HECTD4: variants seen among roughly 807,000 people sequenced by gnomAD.
The protein encoded by HECTD4 is probable E3 ubiquitin-protein ligase HECTD4.
A neutral mutation model predicts 471.5 loss-of-function variants in HECTD4; 114 were observed. The observed-to-expected ratio is 0.24, with a 90% CI of 0.21 to 0.28. The LOEUF (loss-of-function observed/expected upper bound fraction) is 0.28. Ranked by LOEUF, HECTD4 falls within the 10% of genes least tolerant of loss-of-function variation. The pLI is 1.00. For synonymous variants in HECTD4, 2,012 were observed against 2,256.0 expected, an observed-to-expected ratio of 0.89 and a Z score of 3.07; for missense variants, 3,866 against 5,651.5, an observed-to-expected ratio of 0.68 and a Z score of 10.13.
intron 21 of HECTD4, among the ~76,000 whole-genome samples, chr12:112,256,098 A>G (rs937857820): frequency 6.6e-6 from 1 of 152,198 alleles, no homozygotes; most frequent in African/African-American, 2.4e-5. Context: ...CACTTTCAAC[A>G]TATCATTAAA....
rs891102138 is a variant in HECTD4, at chr12:112,196,881, C to A, written c.8568-1815G>T. Among the ~76,000 whole-genome samples, 3 of 151,158 alleles carry A rather than the reference C, an allele frequency of 2.0e-5. No homozygotes were observed. In the East Asian group the frequency reaches 5.9e-4, roughly 30 times the overall value. On this transcript the variant is annotated intron_variant, in intron 55 of 75. Transcript: ENST00000682272. Reference sequence around the variant, plus strand: ...TGTGATCTCGGCTCACTGCAAACTCCGCCTCCCAGGTTCAAGCGATTCTCC... The same window carrying A: ...TGTGATCTCGGCTCACTGCAAACTCAGCCTCCCAGGTTCAAGCGATTCTCC...
rs1374797544 is a variant in HECTD4, at chr12:112,179,841, C to T, written c.10988-444G>A. Among the ~76,000 whole-genome samples the T allele has an allele frequency of 6.6e-6, 1 of 152,180 alleles. No individual in the cohort carries two copies. ...ATAATCCCAGAGGATAGATAGCCAG[C>T]AAGTATTTTTAGTGGGAAGTACAAC... On this transcript the variant is annotated intron_variant, in intron 62 of 75. Transcript: ENST00000682272. The surrounding 1 kb of genome is among the most constrained non-coding windows in gnomAD (Gnocchi z 4.3).
chr12:112,233,790 T>G (rs2033440017), intron 37 of HECTD4, among the ~76,000 whole-genome samples: 1 of 152,066 alleles, frequency 6.6e-6, no homozygotes, highest in Admixed American at 6.5e-5. Context: ...GCGAATGACA[T>G]CTATTAGAAA....
chr12:112,287,539 T>C (rs2034778239), intron 7 of HECTD4, among the ~76,000 whole-genome samples: 1 of 152,112 alleles, frequency 6.6e-6, no homozygotes, highest in Admixed American at 6.5e-5. Context: ...ATTTTAAAAC[T>C]GCAGTTTATA....
At chr12:112,211,633 G>A (rs891403465) in intron 49 of HECTD4, among the ~76,000 whole-genome samples, 18 of 152,068 alleles carry the variant, frequency 1.2e-4, no homozygotes, top group African/African-American at 3.4e-4. Context: ...TGGCAGGGCC[G>A]GGTTGTTGAT....
intron 1 of HECTD4, among the ~76,000 whole-genome samples, chr12:112,338,048 C>G (rs921185467): frequency 6.6e-6 from 1 of 152,196 alleles, no homozygotes; most frequent in Admixed American, 6.5e-5. Context: ...GTTCTGGAGG[C>G]TAGAAGTCTG....
At chr12:112,346,415 A>AT (rs906984421) in intron 1 of HECTD4, among the ~76,000 whole-genome samples, 9 of 152,152 alleles carry the variant, frequency 5.9e-5, no homozygotes, top group African/African-American at 2.2e-4. Context: ...ACTTTGGTAC[A>AT]TACCAGCAAT....
At chr12:112,215,830 G>A (rs1482279020) in intron 48 of HECTD4, among the ~76,000 whole-genome samples, 1 of 151,992 alleles carries the variant, frequency 6.6e-6, no homozygotes, top group Non-Finnish European at 1.5e-5. Flanking sequence ...ATGGGGTTTC[G>A]CCATGTTGCC....
chr12:112,202,332 A>G (rs551686609), intron 54 of HECTD4, among the ~76,000 whole-genome samples: 1 of 152,126 alleles, frequency 6.6e-6, no homozygotes, highest in South Asian at 2.1e-4. Flanking sequence ...CGGCCTCCCA[A>G]GTAGCTAGGA....
At chr12:112,295,610 G>C (rs1488943541) in intron 7 of HECTD4, among the ~76,000 whole-genome samples, 1 of 150,760 alleles carries the variant, frequency 6.6e-6, no homozygotes, top group Non-Finnish European at 1.5e-5. Flanking sequence ...AAAGTGCTGG[G>C]ATTACAGGCA....
Position 112,213,719 on chromosome 12 carries a change from T to A in HECTD4, c.7466-1069A>T, listed in dbSNP as rs201753220. On this transcript the variant is annotated intron_variant, in intron 48 of 75. Transcript: ENST00000682272. The surrounding 1 kb of genome is among the most constrained non-coding windows in gnomAD (Gnocchi z 4.0). ...ATATACATATATATATATATATATA[T>A]AATATATATATAAAATTTAAGGCCA... 2.7e-4 allele frequency among the ~76,000 whole-genome samples: 26 copies of A among 95,334 alleles called. No homozygotes were observed. The highest frequency in any genetic ancestry group is 7.3e-4 in the African/African-American group (14 of 19,154). The allele number at this position is 95,334 out of a possible 152,430, so 62.5% of individuals were successfully genotyped here. A position where few individuals can be genotyped will look rare whatever the true frequency, so the allele number is the denominator to read the frequency against.
intron 55 of HECTD4, among the ~76,000 whole-genome samples, chr12:112,198,459 T>C (rs2032314908): frequency 6.6e-6 from 1 of 152,090 alleles, no homozygotes; most frequent in Admixed American, 6.6e-5. Flanking sequence ...AAGGTCTGCA[T>C]TAGAGGAGGG....
intron 23 of HECTD4, among the ~76,000 whole-genome samples, chr12:112,251,594 A>T (rs986220033): frequency 1.3e-5 from 2 of 152,238 alleles, no homozygotes; most frequent in African/African-American, 2.4e-5. Context: ...CCTGAGATAC[A>T]TCAGAGAATG....
chr12:112,184,890 G>T lies in HECTD4; in HGVS notation c.10076C>A (p.Thr3359Asn). 1 of 1,611,868 alleles carries T rather than the reference G, an allele frequency of 6.2e-7. No individual in the cohort carries two copies. The highest frequency in any genetic ancestry group is 1.3e-5 in the African/African-American group (1 of 75,022). ...EDMLWFHRAL[T>N]LLIILRHLTR... ...GAGGTGGCGGAGGATGATGAGCAGGGTGAGTGCGCGGTGGAACCACAGCAT... is the reference window on the plus strand; with the variant it reads ...GAGGTGGCGGAGGATGATGAGCAGGTTGAGTGCGCGGTGGAACCACAGCAT... Residue 3359 changes from threonine to asparagine, a missense_variant, in exon 61 of 76, where the codon ACC becomes AAC. Physicochemically the swap from Thr to Asn is moderately conservative, Grantham distance 65. Transcript: ENST00000682272. This position sits in a 1 kb window ranked among gnomAD's most constrained non-coding sequence, Gnocchi z 9.1.
chr12:112,252,743 T>C (rs1337708916), intron 22 of HECTD4, among the ~76,000 whole-genome samples: 1 of 152,184 alleles, frequency 6.6e-6, no homozygotes, highest in African/African-American at 2.4e-5. Flanking sequence ...GGATGAGGCA[T>C]CTGTGAAATG....
At chr12:112,350,566 G>C in intron 1 of HECTD4, among the ~76,000 whole-genome samples, 1 of 152,044 alleles carries the variant, frequency 6.6e-6, no homozygotes, top group East Asian at 1.9e-4. Flanking sequence ...AGTCAAACAG[G>C]CCCTCCCCAA....
rs1265717387 is a variant in HECTD4 at position 112,162,557 on chromosome 12, G to A, written c.13121-34C>T. 3.1e-6 allele frequency: 5 copies of A among 1,613,352 alleles called. No individual in the cohort carries two copies. Among genetic ancestry groups the A allele is most frequent in the Non-Finnish European group, 4.2e-6 (5 of 1,179,614 alleles). On this transcript the variant is annotated intron_variant, in intron 75 of 75. Transcript: ENST00000682272. This position sits in a 1 kb window ranked among gnomAD's most constrained non-coding sequence, Gnocchi z 5.2. ...AACCGAGCCAGCATCAGAGGGTTGG[G>A]CCCACATCTGTGAGGCTCCCAGGGA... is the stretch of plus-strand genomic sequence containing the variant.
intron 68 of HECTD4, 84 bp from the exon 69 acceptor site, chr12:112,170,536 G>A (rs1021862381): frequency 4.1e-5 from 63 of 1,532,192 alleles, no homozygotes; most frequent in Non-Finnish European, 5.1e-5. Context: ...CCGGTCCCTG[G>A]GTGTGGCACT....
rs1407260123 is a variant in HECTD4, at chr12:112,173,453, G to T, written c.11595-592C>A. ...CGCCCAGGCTGGAGTGCAGTGGTGC[G>T]ATCTCAGCTCACTGCAAGCTCTGCC... On this transcript the variant is annotated intron_variant, in intron 66 of 75. Transcript: ENST00000682272. The surrounding 1 kb of genome is among the most constrained non-coding windows in gnomAD (Gnocchi z 4.3). 6.6e-6 allele frequency among the ~76,000 whole-genome samples: 1 copy of T among 151,636 alleles called. No individual in the cohort carries two copies. Among genetic ancestry groups the T allele is most frequent in the African/African-American group, 2.4e-5 (1 of 41,218 alleles).
Sources: gnomAD v4.1 joint callset for allele counts (sites outside exome capture counted in the v4.1 genomes callset) on GRCh38, gnomAD v4.1.1 for gene constraint, Gnocchi (gnomAD v3.1) non-coding constraint, MANE v1.5 for transcripts, NCBI Gene and HGNC (gene_info 2026-07-23, HGNC 2026-07-21) for gene names.